TMEM131L: variants seen among roughly 807,000 people sequenced by gnomAD.
The protein encoded by TMEM131L is transmembrane 131 like, also known as transmembrane protein 131-like.
In TMEM131L, 54 loss-of-function variants were observed where a neutral mutation model predicts 192.2. That is an observed-to-expected ratio of 0.28 (90% CI 0.23 to 0.35). The LOEUF is 0.35. TMEM131L is among the 10% of genes least tolerant of loss of function. TMEM131L has a pLI of 1.00. For synonymous variants in TMEM131L, 701 were observed against 704.9 expected (o/e 0.99, Z 0.09); for missense variants, 1,888 against 1,972.9 (o/e 0.96, Z 0.82).
intron 3 of TMEM131L, among the ~76,000 whole-genome samples, chr4:153,523,632 TG>T (rs568559031): frequency 1.8e-3 from 268 of 152,320 alleles, no homozygotes; most frequent in South Asian, 6.8e-3. Flanking sequence ...AGGGTGCTAA[TG>T]GGAAGCACTC....
intron 3 of TMEM131L, 21 bp downstream of exon 3, chr4:153,473,909 G>T: frequency 3.9e-6 from 6 of 1,535,432 alleles, no homozygotes; most frequent in Non-Finnish European, 5.3e-6. Flanking sequence ...AATGGGGGTG[G>T]AAACCTGCAT....
chr4:153,610,965 G>A (rs185956299), intron 25 of TMEM131L, among the ~76,000 whole-genome samples: 31 of 152,336 alleles, frequency 2.0e-4, no homozygotes, highest in Middle Eastern at 3.4e-3. Flanking sequence ...GAAATACATC[G>A]TTTCAAATTA....
chr4:153,565,518 A>G (rs1184938854), intron 7 of TMEM131L, among the ~76,000 whole-genome samples: 6 of 152,194 alleles, frequency 3.9e-5, no homozygotes, highest in African/African-American at 1.2e-4. Flanking sequence ...TAATTTTTGT[A>G]ATAAGGGCAC....
intron 2 of TMEM131L, among the ~76,000 whole-genome samples, chr4:153,471,914 C>T (rs1454819471): frequency 2.0e-5 from 3 of 152,134 alleles, no homozygotes; most frequent in Admixed American, 6.5e-5. Context: ...GTGTAGATAA[C>T]GGAAATTGGT....
intron 3 of TMEM131L, among the ~76,000 whole-genome samples, chr4:153,529,568 G>A (rs1735739306): frequency 6.6e-6 from 1 of 152,164 alleles, no homozygotes; most frequent in Non-Finnish European, 1.5e-5. Context: ...TGAATCCTTG[G>A]GGGGAAAATC....
At chr4:153,568,919 T>A (rs1249399581) in intron 7 of TMEM131L, among the ~76,000 whole-genome samples, 1 of 152,212 alleles carries the variant, frequency 6.6e-6, no homozygotes, top group Non-Finnish European at 1.5e-5. Context: ...CAGGAGTTAC[T>A]AACTCCTTCT....
intron 3 of TMEM131L, among the ~76,000 whole-genome samples, chr4:153,474,522 G>A (rs1445190855): frequency 1.3e-5 from 2 of 152,168 alleles, no homozygotes; most frequent in Non-Finnish European, 2.9e-5. Flanking sequence ...AAGGTATGTA[G>A]TCCTTTAGAA....
chr4:153,549,187 A>C (rs1316620202), intron 3 of TMEM131L, among the ~76,000 whole-genome samples: 1 of 152,072 alleles, frequency 6.6e-6, no homozygotes, highest in Non-Finnish European at 1.5e-5. Context: ...GGCTGCTCTC[A>C]AACTCCTGGG....
intron 26 of TMEM131L, among the ~76,000 whole-genome samples, chr4:153,614,082 G>A (rs72729698): frequency 0.014 from 2,158 of 152,256 alleles, 34 homozygotes; most frequent in Non-Finnish European, 0.023. Flanking sequence ...TGTGCAGGTA[G>A]CATGTGGAAG....
intron 3 of TMEM131L, among the ~76,000 whole-genome samples, chr4:153,539,120 G>GA (rs1213861618): frequency 2.6e-5 from 4 of 152,084 alleles, no homozygotes; most frequent in African/African-American, 9.7e-5. Flanking sequence ...ATTTCTCAAG[G>GA]AAAAATTGCT....
intron 30 of TMEM131L, 46 bp downstream of exon 30, chr4:153,626,271 C>T: frequency 1.7e-6 from 2 of 1,145,910 alleles, no homozygotes; most frequent in East Asian, 2.4e-5. Context: ...TTGTGTACTG[C>T]TTTTTCTACC....
At position 153,591,117 on chromosome 4, in the gene TMEM131L, G is replaced by A. The variant is rs1405904821; in HGVS notation, c.1735G>A (p.Val579Ile). 6.2e-7 allele frequency: 1 copy of A among 1,611,618 alleles called. No individual in the cohort carries two copies. The highest frequency in any genetic ancestry group is 1.7e-4 in the Middle Eastern group (1 of 6,040). The change falls in exon 17 of 35, where the codon GTT (valine) becomes ATT (isoleucine). Residue 579 changes from valine to isoleucine, a missense_variant. Coordinates refer to ENST00000409959, the MANE Select transcript of TMEM131L (RefSeq NM_001131007.2). ...GAAATCCAAGGAGTCAGAGTCCTTT[G>A]TTTTCTTTTTGCCTCGTTTGATCGC... ...LKKSKESESF[V>I]FFLPRLIAEP...
intron 3 of TMEM131L, among the ~76,000 whole-genome samples, chr4:153,517,965 G>T (rs1170442442): frequency 1.3e-5 from 2 of 152,046 alleles, no homozygotes; most frequent in African/African-American, 4.8e-5. Context: ...TTTGAGTGGT[G>T]GGTGATATAT....
At chr4:153,629,390 C>T (rs1024093384) in intron 31 of TMEM131L, among the ~76,000 whole-genome samples, 4 of 152,226 alleles carry the variant, frequency 2.6e-5, no homozygotes, top group Non-Finnish European at 4.4e-5. Flanking sequence ...CAGCCCTTCT[C>T]TCCAAGGGTA....
intron 3 of TMEM131L, among the ~76,000 whole-genome samples, chr4:153,516,928 A>G (rs1256437321): frequency 6.6e-6 from 1 of 151,988 alleles, no homozygotes; most frequent in Non-Finnish European, 1.5e-5. Context: ...CCGGGTTCCA[A>G]CGATTCTCCT....
At chr4:153,589,211 A>G (rs904656816) in intron 16 of TMEM131L, among the ~76,000 whole-genome samples, 4 of 152,174 alleles carry the variant, frequency 2.6e-5, no homozygotes, top group Non-Finnish European at 5.9e-5. Context: ...CTTACTGTAA[A>G]TCTTAGCAGT....
chr4:153,631,175 G>A (rs1448618633), intron 31 of TMEM131L, among the ~76,000 whole-genome samples: 1 of 152,230 alleles, frequency 6.6e-6, no homozygotes, highest in Non-Finnish European at 1.5e-5. Context: ...CAGCCTCCCA[G>A]TAGATGCTGT....
intron 33 of TMEM131L, among the ~76,000 whole-genome samples, chr4:153,635,115 C>T (rs1198963879): frequency 6.6e-6 from 1 of 152,040 alleles, no homozygotes; most frequent in Non-Finnish European, 1.5e-5. Context: ...CTGGCAAGAA[C>T]CTTGACACTA....
intron 3 of TMEM131L, among the ~76,000 whole-genome samples, chr4:153,517,347 G>C (rs538128409): frequency 6.6e-6 from 1 of 152,128 alleles, no homozygotes; most frequent in East Asian, 1.9e-4. Flanking sequence ...AACTGCACAG[G>C]CACAGACATG....
Sources: gnomAD v4.1 joint callset for allele counts (sites outside exome capture counted in the v4.1 genomes callset) on GRCh38, gnomAD v4.1.1 for gene constraint, MANE v1.5 for transcripts, NCBI Gene and HGNC (gene_info 2026-07-23, HGNC 2026-07-21) for gene names.